Variants in RASGEF1A observed in about 807,000 individuals in gnomAD.
The protein encoded by RASGEF1A is ras-GEF domain-containing family member 1A.
A neutral mutation model predicts 56.4 loss-of-function variants in RASGEF1A; 18 were observed. That is an observed-to-expected ratio of 0.32 (90% CI 0.22 to 0.47). The LOEUF (loss-of-function observed/expected upper bound fraction) is 0.47, where lower values mean the gene tolerates loss of function less well. Ranked by LOEUF, RASGEF1A falls within the 20% of genes least tolerant of loss-of-function variation. RASGEF1A has a pLI of 1.00. For synonymous variants in RASGEF1A, 245 were observed against 242.6 expected, an observed-to-expected ratio of 1.01 and a Z score of -0.09; for missense variants, 422 against 627.1, an observed-to-expected ratio of 0.67 and a Z score of 3.49.
At position 43,195,178 on chromosome 10, in the gene RASGEF1A, G is replaced by C. The variant is rs1839778644; in HGVS notation, c.*1066C>G. 1 of 152,286 alleles carries C rather than the reference G, an allele frequency of 6.6e-6. No individual in the cohort carries two copies. Among genetic ancestry groups the C allele is most frequent in the African/African-American group, 2.4e-5 (1 of 41,466 alleles). 9.4% of individuals were successfully genotyped at this position (152,286 alleles called of 1,614,324 possible). On this transcript the variant is annotated 3_prime_UTR_variant, in exon 13 of 13. Transcript: ENST00000395810. This position sits in a 1 kb window ranked among gnomAD's most constrained non-coding sequence, Gnocchi z 4.2. ...CAGCTGTCCTGCGCCATGGTCAGTA[G>C]GGCCCAGGGCTCACACCACGAAGTC...
At chr10:43,238,549 T>C (rs761207383) in intron 1 of RASGEF1A, among the ~76,000 whole-genome samples, 1 of 152,242 alleles carries the variant, frequency 6.6e-6, no homozygotes, top group Non-Finnish European at 1.5e-5. Flanking sequence ...CATACACTCC[T>C]GCAACTCTGC....
At chr10:43,211,763 T>C (rs887397064) in intron 1 of RASGEF1A, among the ~76,000 whole-genome samples, 4 of 152,134 alleles carry the variant, frequency 2.6e-5, no homozygotes, top group Admixed American at 1.3e-4. Flanking sequence ...TTTCCTGCAG[T>C]TGCAGATCCT....
chr10:43,212,159 C>T (rs1840077469), intron 1 of RASGEF1A, among the ~76,000 whole-genome samples: 1 of 152,182 alleles, frequency 6.6e-6, no homozygotes. Flanking sequence ...ACCCCAGAGG[C>T]ACTGTTTTGA....
At chr10:43,207,090 C>A (rs955058877) in intron 1 of RASGEF1A, 2 of 985,584 alleles carry the variant, frequency 2.0e-6, no homozygotes, top group Non-Finnish European at 2.4e-6. Context: ...TGGGAGGAGC[C>A]AAGTGGGGAC....
intron 1 of RASGEF1A, among the ~76,000 whole-genome samples, chr10:43,215,997 C>A (rs115606349): frequency 6.4e-4 from 98 of 152,318 alleles, no homozygotes; most frequent in African/African-American, 2.2e-3. Flanking sequence ...AGCCTGGGAG[C>A]TTTTGGCCCA....
At chr10:43,257,394 T>C (rs1836440747) in intron 1 of RASGEF1A, among the ~76,000 whole-genome samples, 1 of 152,170 alleles carries the variant, frequency 6.6e-6, no homozygotes, top group African/African-American at 2.4e-5. Flanking sequence ...GCCCAGCGAG[T>C]CCCACCCATG....
chr10:43,237,841 C>G (rs1415506768), intron 1 of RASGEF1A, among the ~76,000 whole-genome samples: 2 of 152,214 alleles, frequency 1.3e-5, no homozygotes, highest in Non-Finnish European at 2.9e-5. Flanking sequence ...AGCTTCTCTG[C>G]CTGAATGTCC....
rs548562177 is a variant in RASGEF1A at position 43,200,739 on chromosome 10, G to A, written c.609C>T (p.Ala203=). ...KGPILKTKPP[A]AQKDILGVCC... is the part of the protein sequence containing the mutation. ...ACACGCCCAGGATGTCCTTCTGGGC[G>A]GCTGGTGGCTTGGTCTTGAGGATGG... The change falls in exon 5 of 13, where the codon GCC becomes GCT. Residue 203 remains alanine, a synonymous_variant. Transcript: ENST00000395810. The A allele has an allele frequency of 6.4e-5, 103 of 1,613,858 alleles. No homozygotes were observed. The highest frequency in any genetic ancestry group is 4.4e-4 in the South Asian group (40 of 91,090).
intron 1 of RASGEF1A, among the ~76,000 whole-genome samples, chr10:43,265,943 C>T (rs1836614798): frequency 1.3e-5 from 2 of 152,244 alleles, no homozygotes; most frequent in South Asian, 4.1e-4. Flanking sequence ...CTGCGCAGGA[C>T]AGTGGGAGAA....
At chr10:43,202,282 C>T (rs1391916452) in intron 3 of RASGEF1A, among the ~76,000 whole-genome samples, 3 of 152,364 alleles carry the variant, frequency 2.0e-5, no homozygotes, top group Non-Finnish European at 4.4e-5. Flanking sequence ...CCAAGCCAAG[C>T]CATCCAGTTA....
At chr10:43,246,794 C>G (rs74995870) in intron 1 of RASGEF1A, among the ~76,000 whole-genome samples, 2,705 of 152,304 alleles carry the variant, frequency 0.018, 36 homozygotes, top group Non-Finnish European at 0.026. Context: ...GACATAAATG[C>G]AAGACCTAAA....
chr10:43,202,150 ACTTT>A (rs1839910312), intron 3 of RASGEF1A, among the ~76,000 whole-genome samples: 1 of 152,112 alleles, frequency 6.6e-6, no homozygotes, highest in Non-Finnish European at 1.5e-5. Context: ...CCTTAAGTTG[ACTTT>A]CTTTTTCACT....
At chr10:43,256,232 C>A (rs1037842601) in intron 1 of RASGEF1A, among the ~76,000 whole-genome samples, 1 of 152,162 alleles carries the variant, frequency 6.6e-6, no homozygotes, top group Non-Finnish European at 1.5e-5. Context: ...GCAAGCCAGG[C>A]GGGGGCAGGT....
At chr10:43,229,271 A>AC (rs1840326233) in intron 1 of RASGEF1A, among the ~76,000 whole-genome samples, 1 of 152,094 alleles carries the variant, frequency 6.6e-6, no homozygotes, top group Admixed American at 6.5e-5. Flanking sequence ...CCTCACACAG[A>AC]CCACACACCG....
In RASGEF1A at chr10:43,196,210, C is replaced by T. The variant is rs777118344; in HGVS notation, c.*34G>A. The T allele has an allele frequency of 9.3e-6, 15 of 1,609,698 alleles. No individual in the cohort carries two copies. The South Asian group carries it at 1.3e-4, about 14-fold the overall frequency. On this transcript the variant is annotated 3_prime_UTR_variant, in exon 13 of 13. Coordinates refer to ENST00000395810, the MANE Select transcript of RASGEF1A (RefSeq NM_145313.4). The surrounding 1 kb of genome is among the most constrained non-coding windows in gnomAD (Gnocchi z 4.6). The stretch of plus-strand genomic sequence containing the variant: ...TCAAAATTTAAACCCAGTTAGTGCA[C>T]GTGCTTCCTCTGGCGTCGCGGGCTG...
At chr10:43,204,694 C>T (rs1839967413) in intron 2 of RASGEF1A, among the ~76,000 whole-genome samples, 2 of 152,234 alleles carry the variant, frequency 1.3e-5, no homozygotes, top group African/African-American at 4.8e-5. Context: ...GGTAGGTGCT[C>T]GGCAGAGGAG....
rs193280923 is a variant in RASGEF1A, at chr10:43,243,477, C to T, written c.-7+23368G>A. Among the ~76,000 whole-genome samples the T allele has an allele frequency of 1.4e-4, 20 of 143,310 alleles. 1 individual carries two copies. The highest frequency in any genetic ancestry group is 3.9e-4 in the African/African-American group (15 of 38,130). The allele number at this position is 143,310 out of a possible 152,430, so 94.0% of individuals were successfully genotyped here. Reference sequence around the variant, plus strand: ...CTGGGAAGTGAGGGGCGTCTTTACCCGGCCGCCACCCCATCTGGGAAGTGA... The same window carrying T: ...CTGGGAAGTGAGGGGCGTCTTTACCTGGCCGCCACCCCATCTGGGAAGTGA... On this transcript the variant is annotated intron_variant, in intron 1 of 12. Transcript: ENST00000395810.
At position 43,229,613 on chromosome 10, in the gene RASGEF1A, C is replaced by A. The variant is rs1402445909; in HGVS notation, c.-6-23491G>T. The A allele has an allele frequency of 3.4e-6, 5 of 1,486,908 alleles. No homozygotes were observed. The East Asian group carries it at 1.1e-4, about 34-fold the overall frequency. The allele number at this position is 1,486,908 out of a possible 1,614,324, so 92.1% of individuals were successfully genotyped here. A position where few individuals can be genotyped will look rare whatever the true frequency, so the allele number is the denominator to read the frequency against. On this transcript the variant is annotated intron_variant, in intron 1 of 12. Coordinates refer to ENST00000395810, the MANE Select transcript of RASGEF1A (RefSeq NM_145313.4). ...GCAAGAACCCTGCCCCGCGGCCTTG[C>A]GCCTGGGCCCGCCGCAGCCCTACCT... is the stretch of plus-strand genomic sequence containing the variant.
chr10:43,224,552 A>C (rs1840248433), intron 1 of RASGEF1A, among the ~76,000 whole-genome samples: 1 of 152,224 alleles, frequency 6.6e-6, no homozygotes, highest in Admixed American at 6.5e-5. Context: ...GATGAAACTG[A>C]ATATCCATTC....
Sources: gnomAD v4.1 joint callset for allele counts (sites outside exome capture counted in the v4.1 genomes callset) on GRCh38, gnomAD v4.1.1 for gene constraint, Gnocchi (gnomAD v3.1) non-coding constraint, MANE v1.5 for transcripts, NCBI Gene and HGNC (gene_info 2026-07-23, HGNC 2026-07-21) for gene names.